EPHA5: variants seen among roughly 807,000 people sequenced by gnomAD.
EPHA5 encodes ephrin type-A receptor 5.
In EPHA5, 60 loss-of-function variants were observed where a neutral mutation model predicts 105.0. The ratio of observed to expected loss-of-function variants is 0.57; its 90% CI spans 0.46 to 0.71. EPHA5 has a LOEUF of 0.71. Ranked by LOEUF, EPHA5 falls within the 30% of genes least tolerant of loss-of-function variation. The pLI, the probability that EPHA5 is intolerant of heterozygous loss-of-function variation, is 0.00. For synonymous variants in EPHA5, 513 were observed against 449.1 expected (o/e 1.14, Z -1.80); for missense variants, 1,218 against 1,274.7 (o/e 0.96, Z 0.68).
rs780968976 is a variant in EPHA5 at position 65,365,176 on chromosome 4, G to A, written c.2014C>T (p.Arg672Cys). 66 of 1,610,226 alleles carry A rather than the reference G, an allele frequency of 4.1e-5. No individual in the cohort carries two copies. Among genetic ancestry groups the A allele is most frequent in the East Asian group, 2.0e-4 (9 of 44,684 alleles). The part of the protein sequence containing the change: ...AGEFGEVCSG[R>C]LKLPGKRELP... ...TCTCTTTTTCCTGGTAGTTTCAAAC[G>A]TCCACTACAAACTTCACCAAATTCA... The change falls in exon 11 of 17, where the codon CGT (arginine) becomes TGT (cysteine). Residue 672 changes from arginine to cysteine, a missense_variant. Arg to Cys is a radical substitution (Grantham distance 180). This residue lies in a region of EPHA5 where 971 missense variants were observed against 1,013.5 expected (regional missense o/e 0.96). Transcript: ENST00000613740.
chr4:65,365,951 A>C lies in EPHA5; in HGVS notation c.1968T>G (p.Ile656Met), dbSNP rs1717867121. The C allele has an allele frequency of 4.4e-6, 7 of 1,608,404 alleles. No individual in the cohort carries two copies. The highest frequency in any genetic ancestry group is 6.0e-6 in the Non-Finnish European group (7 of 1,176,002). Residue 656 changes from isoleucine (I) to methionine (M), a missense_variant, in exon 10 of 17, where the codon ATT (isoleucine) becomes ATG (methionine). Coordinates refer to ENST00000613740, the MANE Select transcript of EPHA5 (RefSeq NM_001281766.3). ...TCGTACCTGCTCCAATAACTCTCTC[A>C]ATGGTGATACATGATGCTTCTATCT... is the stretch of plus-strand genomic sequence containing the variant. ...AKEIEASCIT[I>M]ERVIGAGEFG... is the part of the protein sequence containing the mutation.
chr4:65,482,012 A>G (rs1730410886), intron 5 of EPHA5, among the ~76,000 whole-genome samples: 1 of 152,184 alleles, frequency 6.6e-6, no homozygotes, highest in Non-Finnish European at 1.5e-5. Context: ...AAGCCTGTGA[A>G]ATAGGCTGGA....
chr4:65,495,430 A>G lies in EPHA5; in HGVS notation c.1024T>C (p.Tyr342His). Residue 342 changes from tyrosine to histidine, a missense_variant, in exon 4 of 17, where the codon TAT (tyrosine) becomes CAT (histidine). Coordinates refer to ENST00000613740, the MANE Select transcript of EPHA5 (RefSeq NM_001281766.3). Reference protein sequence around the residue: ...ASTSCVCEKDYFRRESDPPTM... With the variant: ...ASTSCVCEKDHFRRESDPPTM... ...GGTGGATCAGACTCTCTCCTGAAAT[A>G]ATCCTTTTCACAGACACAAGAGGTT... 6.2e-7 allele frequency: 1 copy of G among 1,613,722 alleles called. No homozygotes were observed. Among genetic ancestry groups the G allele is most frequent in the Non-Finnish European group, 8.5e-7 (1 of 1,179,778 alleles).
At chr4:65,599,164 G>T (rs946179802) in intron 3 of EPHA5, among the ~76,000 whole-genome samples, 1 of 152,040 alleles carries the variant, frequency 6.6e-6, no homozygotes, top group African/African-American at 2.4e-5. Flanking sequence ...AAGTTGACTG[G>T]TAATTTCTAT....
intron 3 of EPHA5, among the ~76,000 whole-genome samples, chr4:65,547,642 A>T (rs1473965681): frequency 6.6e-6 from 1 of 152,080 alleles, no homozygotes; most frequent in African/African-American, 2.4e-5. Context: ...TTGTAAAACC[A>T]GGTTGAAACA....
intron 3 of EPHA5, among the ~76,000 whole-genome samples, chr4:65,583,221 A>C (rs1741809452): frequency 6.6e-6 from 1 of 151,696 alleles, no homozygotes; most frequent in Non-Finnish European, 1.5e-5. Context: ...TAGAAAGAAA[A>C]TTATAAAATC....
At chr4:65,600,981 G>A (rs1451082378) in intron 3 of EPHA5, among the ~76,000 whole-genome samples, 1 of 151,792 alleles carries the variant, frequency 6.6e-6, no homozygotes, top group East Asian at 1.9e-4. Context: ...AATCCCCCAG[G>A]GCAAATTGCT....
chr4:65,573,565 A>G (rs1578459989), intron 3 of EPHA5: 1 of 1,598,388 alleles, frequency 6.3e-7, no homozygotes, highest in Admixed American at 1.7e-5. Context: ...AAAGCTAAAA[A>G]GCCCAAGAAG....
chr4:65,501,955 A>T (rs1732532152), intron 3 of EPHA5, among the ~76,000 whole-genome samples: 1 of 151,732 alleles, frequency 6.6e-6, no homozygotes, highest in African/African-American at 2.4e-5. Flanking sequence ...CTGCACACCT[A>T]CAACCTTTTG....
chr4:65,455,209 G>C (rs1363710828), intron 5 of EPHA5, among the ~76,000 whole-genome samples: 1 of 151,176 alleles, frequency 6.6e-6, no homozygotes, highest in Non-Finnish European at 1.5e-5. Context: ...CTCCAGCCTG[G>C]GAGACAGAGA....
chr4:65,558,723 G>A (rs955675840), intron 3 of EPHA5, among the ~76,000 whole-genome samples: 3 of 151,940 alleles, frequency 2.0e-5, no homozygotes, highest in Non-Finnish European at 2.9e-5. Flanking sequence ...CCTGGTGTGT[G>A]ATGTTCCCAA....
At chr4:65,580,218 C>T (rs931164297) in intron 3 of EPHA5, among the ~76,000 whole-genome samples, 3 of 151,764 alleles carry the variant, frequency 2.0e-5, no homozygotes, top group African/African-American at 7.2e-5. Context: ...CATATATAAA[C>T]TTAAAAATAA....
At chr4:65,420,351 G>T in intron 6 of EPHA5, 90 bp downstream of exon 6, 3 of 1,267,400 alleles carry the variant, frequency 2.4e-6, no homozygotes, top group African/African-American at 1.5e-5. Flanking sequence ...ACATAAAATT[G>T]CAACATACTC....
At chr4:65,330,767 G>C in intron 16 of EPHA5, 1 of 1,022,954 alleles carries the variant, frequency 9.8e-7, no homozygotes, top group Non-Finnish European at 1.2e-6. Context: ...AGCACAAATG[G>C]GTTCCTTGAG....
At chr4:65,418,791 T>C (rs996310716) in intron 6 of EPHA5, among the ~76,000 whole-genome samples, 3 of 147,700 alleles carry the variant, frequency 2.0e-5, no homozygotes, top group African/African-American at 5.0e-5. Flanking sequence ...AATCAATGAA[T>C]GAAAGAAGAA....
intron 3 of EPHA5, among the ~76,000 whole-genome samples, chr4:65,514,631 C>A (rs1733927557): frequency 1.3e-5 from 2 of 152,108 alleles, no homozygotes; most frequent in East Asian, 1.9e-4. Flanking sequence ...GATTTGTAAT[C>A]AAAATTACTG....
intron 5 of EPHA5, among the ~76,000 whole-genome samples, chr4:65,459,470 T>C (rs1291866911): frequency 1.3e-5 from 2 of 152,000 alleles, no homozygotes; most frequent in Middle Eastern, 3.4e-3. Context: ...AATACTTTCA[T>C]TTACTATTGC....
chr4:65,466,870 A>G (rs893633777), intron 5 of EPHA5, among the ~76,000 whole-genome samples: 1 of 152,158 alleles, frequency 6.6e-6, no homozygotes, highest in Admixed American at 6.5e-5. Context: ...AAAGTCAGAT[A>G]CTTAGGATGG....
At chr4:65,655,808 A>C (rs1364808624) in intron 1 of EPHA5, among the ~76,000 whole-genome samples, 7 of 152,144 alleles carry the variant, frequency 4.6e-5, no homozygotes, top group Non-Finnish European at 1.5e-5. Context: ...TCTAATGAGC[A>C]CCTCTGCATT....
Sources: gnomAD v4.1 joint callset for allele counts (sites outside exome capture counted in the v4.1 genomes callset) on GRCh38, gnomAD v4.1.1 for gene constraint, gnomAD v4.1.1 regional missense constraint, MANE v1.5 for transcripts, NCBI Gene and HGNC (gene_info 2026-07-23, HGNC 2026-07-21) for gene names.